Variants in TRMT11 observed in about 807,000 individuals in gnomAD.
The protein encoded by TRMT11 is tRNA (guanine(10)-N(2))-methyltransferase TRMT11.
Under a neutral mutation model 62.8 loss-of-function variants are expected in TRMT11, and 53 were observed. The ratio of observed to expected loss-of-function variants is 0.84; its 90% CI spans 0.68 to 1.06. The LOEUF (loss-of-function observed/expected upper bound fraction) is 1.06, where lower values mean the gene tolerates loss of function less well. TRMT11 is among the 50% of genes least tolerant of loss of function. TRMT11 has a pLI of 0.00. For synonymous variants in TRMT11, 188 were observed against 190.3 expected (o/e 0.99, Z 0.10); for missense variants, 556 against 553.4 (o/e 1.00, Z -0.05).
the TRMT11 span, among the ~76,000 whole-genome samples, chr6:126,239,702 C>T: frequency 2.0e-5 from 3 of 152,110 alleles, no homozygotes; most frequent in Non-Finnish European, 4.4e-5. Context: ...TTGCTCTTCT[C>T]GAGGAGTATC....
At chr6:126,159,552 G>A (rs1244685214) in intron 21 of TRMT11, among the ~76,000 whole-genome samples, 1 of 152,210 alleles carries the variant, frequency 6.6e-6, no homozygotes, top group Non-Finnish European at 1.5e-5. Context: ...ACCAGGAACA[G>A]CCATCTTCCA....
intron 17 of TRMT11, among the ~76,000 whole-genome samples, chr6:126,075,239 CTA>C (rs907609452): frequency 1.3e-5 from 2 of 152,092 alleles, no homozygotes; most frequent in African/African-American, 4.8e-5. Flanking sequence ...ATTGAAATAA[CTA>C]TGTGAGATCC....
chr6:126,081,876 A>T (rs191014911), intron 17 of TRMT11, among the ~76,000 whole-genome samples: 58 of 152,268 alleles, frequency 3.8e-4, no homozygotes, highest in African/African-American at 1.3e-3. Context: ...AGCTTCTGGC[A>T]AGTACCGAAA....
At chr6:126,012,079 C>G (rs569965844) in intron 9 of TRMT11, among the ~76,000 whole-genome samples, 1 of 152,290 alleles carries the variant, frequency 6.6e-6, no homozygotes, top group East Asian at 1.9e-4. Flanking sequence ...TTCAGCCCTT[C>G]TATCTCAGCT....
chr6:126,104,407 C>G (rs1777440220), intron 17 of TRMT11, among the ~76,000 whole-genome samples: 1 of 152,160 alleles, frequency 6.6e-6, no homozygotes, highest in Admixed American at 6.5e-5. Context: ...CCTGGAGGAA[C>G]AGGAATATAG....
intron 16 of TRMT11, among the ~76,000 whole-genome samples, chr6:126,050,002 C>G (rs1399818972): frequency 6.6e-6 from 1 of 152,056 alleles, no homozygotes; most frequent in Non-Finnish European, 1.5e-5. Flanking sequence ...AGGCTGGGGT[C>G]ATGTTGCAAA....
the TRMT11 span, among the ~76,000 whole-genome samples, chr6:126,245,545 A>G: frequency 6.6e-6 from 1 of 152,266 alleles, no homozygotes; most frequent in African/African-American, 2.4e-5. Context: ...ACACATATCC[A>G]CTTAGGGACA....
the TRMT11 span, among the ~76,000 whole-genome samples, chr6:126,230,065 A>G: frequency 3.4e-4 from 52 of 152,288 alleles, no homozygotes; most frequent in African/African-American, 1.2e-3. Flanking sequence ...TAGCTTCAAT[A>G]TGGATGGCAC....
In TRMT11 at chr6:126,012,827, A is replaced by G. The variant is rs1794420175; in HGVS notation, c.982A>G (p.Lys328Glu). Reference protein sequence around the residue: ...RRTGSQKEIPKGIEKWEKCPE... With the variant: ...RRTGSQKEIPEGIEKWEKCPE... ...AACAGGTTCACAGAAGGAGATACCA[A>G]AGGGGATAGAAAAATGGGAAAAATG... is the stretch of plus-strand genomic sequence containing the variant. The change falls in exon 10 of 13, where the codon AAG (lysine) becomes GAG (glutamate). Residue 328 changes from lysine to glutamate, a missense_variant. Coordinates refer to ENST00000334379, the MANE Select transcript of TRMT11 (RefSeq NM_001031712.3). The G allele has an allele frequency of 6.2e-7, 1 of 1,613,712 alleles. No homozygotes were observed. The highest frequency in any genetic ancestry group is 1.3e-5 in the African/African-American group (1 of 74,932).
chr6:126,104,314 A>AAACTGGGTGT (rs1445669379), intron 17 of TRMT11, among the ~76,000 whole-genome samples: 2 of 152,214 alleles, frequency 1.3e-5, no homozygotes, highest in Non-Finnish European at 2.9e-5. Context: ...GGGTGGCAAG[A>AAACTGGGTGT]AACTGGGTGT....
the TRMT11 span, among the ~76,000 whole-genome samples, chr6:126,262,866 G>A: frequency 6.6e-6 from 1 of 151,948 alleles, no homozygotes; most frequent in African/African-American, 2.4e-5. Flanking sequence ...TGCTCCACAG[G>A]GATTTTGCTA....
intron 12 of TRMT11, among the ~76,000 whole-genome samples, chr6:126,031,774 G>A (rs1774242096): frequency 6.6e-6 from 1 of 152,136 alleles, no homozygotes; most frequent in South Asian, 2.1e-4. Context: ...AAAAGGGCAA[G>A]CCCATAGGGA....
intron 5 of TRMT11, 27 bp from the exon 6 acceptor site, chr6:125,998,523 C>T (rs1461363436): frequency 6.2e-7 from 1 of 1,600,740 alleles, no homozygotes; most frequent in Admixed American, 1.7e-5. Context: ...TATTATAAGA[C>T]ATCAGCATTT....
At chr6:126,252,140 GCTCTT>G in the TRMT11 span, among the ~76,000 whole-genome samples, 1 of 152,360 alleles carries the variant, frequency 6.6e-6, no homozygotes, top group Non-Finnish European at 1.5e-5. Flanking sequence ...CGAAAGGACA[GCTCTT>G]CTCTTCTCCA....
At chr6:126,148,894 CT>C (rs150648801) in intron 21 of TRMT11, among the ~76,000 whole-genome samples, 1 of 152,242 alleles carries the variant, frequency 6.6e-6, no homozygotes, top group East Asian at 1.9e-4. Flanking sequence ...ATTCAGTTAA[CT>C]TTTGTAAGAA....
chr6:126,268,489 T>C, the TRMT11 span, among the ~76,000 whole-genome samples: 20 of 152,294 alleles, frequency 1.3e-4, no homozygotes, highest in South Asian at 4.1e-3. Context: ...ACAGACAGGT[T>C]GTGTGAGGCG....
intron 17 of TRMT11, among the ~76,000 whole-genome samples, chr6:126,106,250 TC>T (rs1188089489): frequency 6.6e-6 from 1 of 152,056 alleles, no homozygotes; most frequent in Non-Finnish European, 1.5e-5. Flanking sequence ...TTCAAGTGAT[TC>T]TCCTGCCTCA....
intron 21 of TRMT11, among the ~76,000 whole-genome samples, chr6:126,125,568 C>T (rs985422092): frequency 6.6e-6 from 1 of 151,994 alleles, no homozygotes; most frequent in African/African-American, 2.4e-5. Context: ...TTATGGGCCA[C>T]GTATAGTGCC....
At chr6:126,107,640 T>TA (rs1777479076) in intron 17 of TRMT11, among the ~76,000 whole-genome samples, 1 of 152,086 alleles carries the variant, frequency 6.6e-6, no homozygotes, top group African/African-American at 2.4e-5. Flanking sequence ...TTAAAAAGGC[T>TA]GAATAAGCAA....
Sources: gnomAD v4.1 joint callset for allele counts (sites outside exome capture counted in the v4.1 genomes callset) on GRCh38, gnomAD v4.1.1 for gene constraint, MANE v1.5 for transcripts, NCBI Gene and HGNC (gene_info 2026-07-23, HGNC 2026-07-21) for gene names.